The following SMYD3 variants were observed in gnomAD, a reference collection of about 807,000 sequenced individuals.
SMYD3 encodes the protein SET and MYND domain containing 3.
In SMYD3, 36 loss-of-function variants were observed where a neutral mutation model predicts 57.7. That is an observed-to-expected ratio of 0.62 (90% CI 0.48 to 0.82). The LOEUF (loss-of-function observed/expected upper bound fraction) is 0.82, where lower values mean the gene tolerates loss of function less well. Ranked by LOEUF, SMYD3 falls within the 40% of genes least tolerant of loss-of-function variation. The pLI is 0.00. For missense variants in SMYD3, 515 were observed against 538.8 expected, an observed-to-expected ratio of 0.96 and a Z score of 0.44; for synonymous variants, 211 against 195.0, an observed-to-expected ratio of 1.08 and a Z score of -0.68.
intron 7 of SMYD3, among the ~76,000 whole-genome samples, chr1:245,920,261 C>T (rs527667083): frequency 4.4e-5 from 6 of 135,198 alleles, no homozygotes; most frequent in East Asian, 2.3e-4. Flanking sequence ...TGCAGTGAGA[C>T]GAGATCATGC....
intron 5 of SMYD3, among the ~76,000 whole-genome samples, chr1:246,125,082 A>AC (rs1224568546): frequency 7.6e-5 from 8 of 105,226 alleles, no homozygotes; most frequent in South Asian, 2.8e-4. Context: ...AAAAAAAAAA[A>AC]AAAAAACACA....
At chr1:245,968,126 C>G (rs1048218008) in intron 5 of SMYD3, among the ~76,000 whole-genome samples, 1 of 150,944 alleles carries the variant, frequency 6.6e-6, no homozygotes, top group Non-Finnish European at 1.5e-5. Context: ...ACTTCCCCCT[C>G]AATTTATCTC....
chr1:246,122,547 A>G (rs1274458693), intron 5 of SMYD3, among the ~76,000 whole-genome samples: 1 of 152,250 alleles, frequency 6.6e-6, no homozygotes, highest in African/African-American at 2.4e-5. Context: ...TATTTCAAAA[A>G]TGATTCACTA....
intron 10 of SMYD3, among the ~76,000 whole-genome samples, chr1:245,779,286 A>G (rs1386610298): frequency 6.6e-6 from 1 of 152,252 alleles, no homozygotes; most frequent in Non-Finnish European, 1.5e-5. Context: ...AACTCAATAA[A>G]ACAAAGCCAA....
intron 2 of SMYD3, among the ~76,000 whole-genome samples, chr1:246,337,711 T>G (rs1398541825): frequency 6.6e-6 from 1 of 152,174 alleles, no homozygotes; most frequent in Non-Finnish European, 1.5e-5. Flanking sequence ...CAGAGATAAT[T>G]TGAGGCAAAA....
At chr1:246,239,622 G>A (rs550522276) in intron 5 of SMYD3, among the ~76,000 whole-genome samples, 47 of 152,234 alleles carry the variant, frequency 3.1e-4, no homozygotes, top group African/African-American at 1.1e-3. Flanking sequence ...GGGATGGCTG[G>A]GTCAAATAGT....
chr1:245,908,863 A>G (rs920389652), intron 8 of SMYD3, among the ~76,000 whole-genome samples: 6 of 152,204 alleles, frequency 3.9e-5, no homozygotes, highest in Non-Finnish European at 7.4e-5. Context: ...TAAAAGAGGT[A>G]GGAAGATTTC....
At chr1:246,132,257 T>G (rs1026095551) in intron 5 of SMYD3, among the ~76,000 whole-genome samples, 2 of 152,082 alleles carry the variant, frequency 1.3e-5, no homozygotes, top group African/African-American at 2.4e-5. Flanking sequence ...CAAGATTACA[T>G]TCATCCAGAT....
intron 5 of SMYD3, among the ~76,000 whole-genome samples, chr1:246,320,713 G>T (rs2065232341): frequency 6.6e-6 from 1 of 151,928 alleles, no homozygotes; most frequent in Non-Finnish European, 1.5e-5. Context: ...TATTTTTCTA[G>T]AACTCTGTAC....
intron 5 of SMYD3, among the ~76,000 whole-genome samples, chr1:246,207,350 A>G (rs2063015759): frequency 1.3e-5 from 2 of 152,020 alleles, no homozygotes; most frequent in Non-Finnish European, 2.9e-5. Context: ...CTCTCCTTCC[A>G]CGTTTTCATC....
intron 11 of SMYD3, among the ~76,000 whole-genome samples, chr1:245,754,379 G>T (rs1048607355): frequency 6.6e-6 from 1 of 151,944 alleles, no homozygotes; most frequent in Non-Finnish European, 1.5e-5. Flanking sequence ...AGAGGGAAAA[G>T]AAATGTATGC....
intron 1 of SMYD3, among the ~76,000 whole-genome samples, chr1:246,361,174 G>A (rs1265154734): frequency 6.6e-6 from 1 of 152,068 alleles, no homozygotes; most frequent in Non-Finnish European, 1.5e-5. Context: ...ATATACAAAT[G>A]GCCAACAAGC....
chr1:246,021,901 G>A (rs10924451), intron 5 of SMYD3, among the ~76,000 whole-genome samples: 19,132 of 152,080 alleles, frequency 0.13, 1,440 homozygotes, highest in African/African-American at 0.21. Flanking sequence ...GTGTTGCTTC[G>A]ACATTCTGTC....
intron 5 of SMYD3, among the ~76,000 whole-genome samples, chr1:246,255,526 C>T (rs2063868292): frequency 6.6e-6 from 1 of 151,908 alleles, no homozygotes; most frequent in African/African-American, 2.4e-5. Flanking sequence ...AGGAATCAAG[C>T]CTACTTGATC....
chr1:245,896,984 A>C (rs566292190), intron 8 of SMYD3, among the ~76,000 whole-genome samples: 2 of 152,370 alleles, frequency 1.3e-5, no homozygotes, highest in African/African-American at 4.8e-5. Flanking sequence ...TGCAATGCTA[A>C]CCAACTGAAA....
chr1:246,171,484 T>C (rs2062332475), intron 5 of SMYD3, among the ~76,000 whole-genome samples: 1 of 152,158 alleles, frequency 6.6e-6, no homozygotes, highest in Admixed American at 6.6e-5. Flanking sequence ...CAGAGACACC[T>C]GCCAAGAAAT....
At chr1:246,127,298 C>T (rs1387945007) in intron 5 of SMYD3, among the ~76,000 whole-genome samples, 1 of 152,014 alleles carries the variant, frequency 6.6e-6, no homozygotes, top group East Asian at 1.9e-4. Flanking sequence ...GCATAAACAC[C>T]TCAATATTTC....
At chr1:246,306,648 ACAC>A (rs2064984347) in intron 5 of SMYD3, among the ~76,000 whole-genome samples, 1 of 152,218 alleles carries the variant, frequency 6.6e-6, no homozygotes, top group African/African-American at 2.4e-5. Flanking sequence ...TTAAATTTGT[ACAC>A]CACTTTTAAG....
intron 8 of SMYD3, among the ~76,000 whole-genome samples, chr1:245,885,078 G>A (rs1435956400): frequency 2.6e-5 from 4 of 152,126 alleles, no homozygotes; most frequent in Non-Finnish European, 5.9e-5. Context: ...CACACCCACT[G>A]GGAAGAACAA....
Sources: gnomAD v4.1 joint callset for allele counts (sites outside exome capture counted in the v4.1 genomes callset) on GRCh38, gnomAD v4.1.1 for gene constraint, MANE v1.5 for transcripts, NCBI Gene and HGNC (gene_info 2026-07-23, HGNC 2026-07-21) for gene names.